Variants in CCDC7 observed in about 807,000 individuals in gnomAD.
CCDC7 encodes coiled-coil domain-containing protein 7.
In CCDC7, 183 loss-of-function variants were observed where a neutral mutation model predicts 196.9. The ratio of observed to expected loss-of-function variants is 0.93; its 90% CI spans 0.82 to 1.05. The LOEUF is 1.05. CCDC7 is among the 50% of genes least tolerant of loss of function. The pLI is 0.00. For missense variants in CCDC7, 1,540 were observed against 1,482.2 expected, an observed-to-expected ratio of 1.04 and a Z score of -0.64; for synonymous variants, 525 against 484.6, an observed-to-expected ratio of 1.08 and a Z score of -1.10.
intron 18 of CCDC7, among the ~76,000 whole-genome samples, chr10:32,609,948 A>G (rs940118772): frequency 7.9e-5 from 12 of 152,114 alleles, no homozygotes; most frequent in African/African-American, 2.7e-4. Flanking sequence ...TAGTGCAGAT[A>G]TGCTGAACAA....
chr10:32,837,947 G>T, intron 33 of CCDC7, among the ~76,000 whole-genome samples: 1 of 125,812 alleles, frequency 7.9e-6, no homozygotes, highest in African/African-American at 2.8e-5. Flanking sequence ...AGGGGGGAGG[G>T]ATAGCATTAG....
chr10:32,822,731 A>G (rs2090467406), intron 31 of CCDC7, among the ~76,000 whole-genome samples: 1 of 152,190 alleles, frequency 6.6e-6, no homozygotes, highest in African/African-American at 2.4e-5. Flanking sequence ...ACATTTCTGT[A>G]ATAAGCATTG....
intron 21 of CCDC7, among the ~76,000 whole-genome samples, chr10:32,666,413 C>G (rs2072731314): frequency 6.6e-6 from 1 of 151,992 alleles, no homozygotes; most frequent in Non-Finnish European, 1.5e-5. Context: ...TTCTAGGGTA[C>G]ATGTACACAA....
At chr10:32,517,805 TG>T (rs1030095638) in intron 9 of CCDC7, 139 bp from the exon 11 acceptor site, 8 of 700,450 alleles carry the variant, frequency 1.1e-5, no homozygotes, top group African/African-American at 1.9e-5. Context: ...AAAGAAAAAG[TG>T]GGATGCAAGG....
At chr10:32,743,558 G>A (rs566978451) in intron 28 of CCDC7, among the ~76,000 whole-genome samples, 1 of 151,994 alleles carries the variant, frequency 6.6e-6, no homozygotes, top group Non-Finnish European at 1.5e-5. Context: ...TAAGTCTTTA[G>A]TCCATTGTGG....
intron 18 of CCDC7, among the ~76,000 whole-genome samples, chr10:32,594,020 T>G (rs1313866128): frequency 2.6e-5 from 4 of 152,216 alleles, no homozygotes; most frequent in Non-Finnish European, 5.9e-5. Context: ...TAGGATTGTC[T>G]TGGCAATGCA....
At chr10:32,854,411 G>T in exon 41 of CCDC7, 1 of 1,601,088 alleles carries the variant, frequency 6.2e-7, no homozygotes, top group African/African-American at 1.3e-5. Flanking sequence ...GCATTCGAAA[G>T]TTGTTACCTT....
At chr10:32,735,502 G>A (rs2084712418) in intron 28 of CCDC7, among the ~76,000 whole-genome samples, 1 of 151,918 alleles carries the variant, frequency 6.6e-6, no homozygotes, top group African/African-American at 2.4e-5. Context: ...ATGTTTATTT[G>A]CCATCTATAT....
At chr10:32,862,570 A>G (rs180747953) in intron 41 of CCDC7, among the ~76,000 whole-genome samples, 1 of 151,596 alleles carries the variant, frequency 6.6e-6, no homozygotes, top group Non-Finnish European at 1.5e-5. Context: ...TAAAAAAAAA[A>G]CCCACAGCTA....
rs117584530 is a variant in CCDC7 at position 32,872,068 on chromosome 10, A to G, written c.4112-4279A>G. Among the ~76,000 whole-genome samples the G allele has an allele frequency of 5.9e-4, 90 of 152,210 alleles. No individual in the cohort carries two copies. The East Asian group carries it at 0.015, about 25-fold the overall frequency. Reference sequence around the variant, plus strand: ...GGTGTGGTGTGGTGTGGTGCTGGAAAGATTGTATATTCTGTTGATTTGGGG... The same window carrying G: ...GGTGTGGTGTGGTGTGGTGCTGGAAGGATTGTATATTCTGTTGATTTGGGG... On this transcript the variant is annotated intron_variant, in intron 41 of 41. Coordinates refer to ENST00000639629, the Ensembl canonical transcript of CCDC7.
At chr10:32,653,095 T>C (rs2069081228) in intron 20 of CCDC7, among the ~76,000 whole-genome samples, 1 of 152,226 alleles carries the variant, frequency 6.6e-6, no homozygotes. Context: ...TGTCAATTCT[T>C]TTCCTTCAGC....
intron 41 of CCDC7, among the ~76,000 whole-genome samples, chr10:32,855,525 G>A (rs1320976296): frequency 6.6e-6 from 1 of 152,174 alleles, no homozygotes; most frequent in Non-Finnish European, 1.5e-5. Context: ...CTCATAAGGA[G>A]CACACAACCT....
chr10:32,723,650 T>A (rs531849819), intron 25 of CCDC7, among the ~76,000 whole-genome samples: 61 of 152,136 alleles, frequency 4.0e-4, no homozygotes, highest in Non-Finnish European at 7.7e-4. Flanking sequence ...TTAGGCAAAG[T>A]GGCTGCTAAT....
At chr10:32,526,640 A>T (rs946209368) in intron 11 of CCDC7, among the ~76,000 whole-genome samples, 4 of 151,986 alleles carry the variant, frequency 2.6e-5, no homozygotes, top group Non-Finnish European at 4.4e-5. Flanking sequence ...TCCTGCTAGT[A>T]CTGGGTCCTT....
intron 18 of CCDC7, among the ~76,000 whole-genome samples, chr10:32,585,192 G>A (rs1469332592): frequency 6.6e-6 from 1 of 151,860 alleles, no homozygotes; most frequent in Admixed American, 6.6e-5. Flanking sequence ...TCCTGCCTCA[G>A]CCTCCCGAGT....
chr10:32,453,388 T>C (rs1441955691), exon 2 of CCDC7: 2 of 1,555,060 alleles, frequency 1.3e-6, no homozygotes, highest in Non-Finnish European at 1.7e-6. Context: ...GCGATCAGAA[T>C]GGAGAAGAAC....
At chr10:32,601,854 G>A (rs559251992) in intron 18 of CCDC7, among the ~76,000 whole-genome samples, 5 of 152,236 alleles carry the variant, frequency 3.3e-5, no homozygotes, top group Admixed American at 2.6e-4. Flanking sequence ...GATTGTAAAT[G>A]CACCAGTCAG....
In CCDC7 at chr10:32,511,229, C is replaced by T. The variant is rs2046065281; in HGVS notation, c.873-6716C>T. 1.2e-5 allele frequency: 8 copies of T among 690,036 alleles called. No individual in the cohort carries two copies. The South Asian group carries it at 1.4e-4, about 12-fold the overall frequency. 42.7% of individuals were successfully genotyped at this position (690,036 alleles called of 1,614,324 possible). ...ATATTAATAAGAAACACATTTAAAC[C>T]TTGTCCTGCCACAGAATTATTCTGT... is the stretch of plus-strand genomic sequence containing the variant. On this transcript the variant is annotated intron_variant, in intron 9 of 41. Transcript: ENST00000639629.
chr10:32,538,557 G>T (rs1021726124), intron 11 of CCDC7, among the ~76,000 whole-genome samples: 17 of 152,166 alleles, frequency 1.1e-4, no homozygotes, highest in South Asian at 2.1e-4. Context: ...TCTTTGTCTT[G>T]TGCTGGTTTT....
Sources: allele counts gnomAD v4.1 joint callset (sites outside exome capture counted in the v4.1 genomes callset), GRCh38; gene constraint gnomAD v4.1.1; transcripts MANE v1.5; gene names NCBI Gene and HGNC (gene_info 2026-07-23, HGNC 2026-07-21).